Variants in PSD3 observed in about 807,000 individuals in gnomAD.
PSD3 encodes PH and SEC7 domain-containing protein 3.
Under a neutral mutation model 105.5 loss-of-function variants are expected in PSD3, and 49 were observed. The ratio of observed to expected loss-of-function variants is 0.46; its 90% confidence interval spans 0.37 to 0.59. The LOEUF (loss-of-function observed/expected upper bound fraction) is 0.59. PSD3 is among the 20% of genes least tolerant of loss of function. The probability of loss-of-function intolerance (pLI) is 0.00; values close to 1 mark genes in which losing one functional copy is unlikely to be tolerated. For missense variants in PSD3, 1,561 were observed against 1,263.8 expected, an observed-to-expected ratio of 1.24 and a Z score of -3.57; for synonymous variants, 557 against 457.8, an observed-to-expected ratio of 1.22 and a Z score of -2.77.
rs73579999 is a variant in PSD3 at position 18,586,201 on chromosome 8, G to A, written c.2482-10916C>T. Among the ~76,000 whole-genome samples the A allele has an allele frequency of 3.7e-3, 567 of 152,260 alleles. 6 individuals are homozygous for A. Among genetic ancestry groups the A allele is most frequent in the African/African-American group, 0.013 (551 of 41,550 alleles). ...CCTGTAGGAGTGGCCAAAAACCTTT[G>A]CAACAAGCCACTTTGGCTGGGATGG... On this transcript the variant is annotated intron_variant, in intron 12 of 15. Transcript: ENST00000327040.
At chr8:18,781,894 A>T (rs1808671903) in intron 8 of PSD3, among the ~76,000 whole-genome samples, 1 of 152,044 alleles carries the variant, frequency 6.6e-6, no homozygotes, top group Admixed American at 6.6e-5. Context: ...ATTTTTTTTA[A>T]AAATGTTATC....
intron 1 of PSD3, among the ~76,000 whole-genome samples, chr8:18,987,847 G>T (rs530679762): frequency 6.6e-6 from 1 of 152,076 alleles, no homozygotes; most frequent in South Asian, 2.1e-4. Flanking sequence ...TAATAAATCC[G>T]TTTTGCAAAA....
intron 4 of PSD3, among the ~76,000 whole-genome samples, chr8:18,860,845 T>C (rs566254494): frequency 2.4e-4 from 36 of 152,310 alleles, no homozygotes; most frequent in Non-Finnish European, 5.0e-4. Flanking sequence ...CACCATTCCA[T>C]TTTTATTTAG....
chr8:18,708,759 T>A (rs1802053606), intron 9 of PSD3, among the ~76,000 whole-genome samples: 2 of 151,610 alleles, frequency 1.3e-5, no homozygotes, highest in South Asian at 4.2e-4. Flanking sequence ...AGTGAGTGAA[T>A]CCTGCACCTT....
At chr8:18,625,661 C>T (rs550407047) in intron 11 of PSD3, among the ~76,000 whole-genome samples, 3 of 152,156 alleles carry the variant, frequency 2.0e-5, no homozygotes, top group African/African-American at 7.2e-5. Context: ...ATCGGAATTG[C>T]TTTTAACAAT....
At chr8:18,658,907 A>T (rs1262744842) in intron 9 of PSD3, among the ~76,000 whole-genome samples, 3 of 152,072 alleles carry the variant, frequency 2.0e-5, no homozygotes, top group African/African-American at 4.8e-5. Context: ...TTGTTTCTCC[A>T]CTACACAAGA....
intron 9 of PSD3, among the ~76,000 whole-genome samples, chr8:18,698,091 G>A (rs1235396258): frequency 1.3e-5 from 2 of 152,006 alleles, no homozygotes; most frequent in Non-Finnish European, 2.9e-5. Flanking sequence ...TGGGCACACA[G>A]GATGTATTTT....
In PSD3 at chr8:18,872,402, C is replaced by G; in HGVS notation, c.462G>C (p.Lys154Asn). ...RIISGTLQAT[K>N]VLDQDAVSSF... is the part of the protein sequence containing the mutation. Reference sequence around the variant, plus strand: ...TAGAAACAGCATCTTGGTCCAGTACCTTTGTAGCCTGTAATGTTCCGGAAA... The same window carrying G: ...TAGAAACAGCATCTTGGTCCAGTACGTTTGTAGCCTGTAATGTTCCGGAAA... The change falls in exon 3 of 16, where the codon AAG becomes AAC. Residue 154 changes from lysine to asparagine, a missense_variant. By Grantham distance (94) the Lys-to-Asn change is moderately conservative. Coordinates refer to ENST00000327040, the MANE Select transcript of PSD3 (RefSeq NM_015310.4). 6.2e-7 allele frequency: 1 copy of G among 1,614,184 alleles called. No individual in the cohort carries two copies. Among genetic ancestry groups the G allele is most frequent in the Non-Finnish European group, 8.5e-7 (1 of 1,180,034 alleles).
At chr8:18,583,392 T>C (rs1488803245) in intron 12 of PSD3, among the ~76,000 whole-genome samples, 4 of 152,090 alleles carry the variant, frequency 2.6e-5, no homozygotes, top group African/African-American at 4.8e-5. Context: ...GACACCGCCA[T>C]TGCACTCCAG....
intron 2 of PSD3, among the ~76,000 whole-genome samples, chr8:18,928,625 T>C (rs942573774): frequency 5.3e-5 from 8 of 152,126 alleles, no homozygotes; most frequent in African/African-American, 1.9e-4. Context: ...AAAAAGCAAA[T>C]TAGTGGTTGC....
intron 10 of PSD3, among the ~76,000 whole-genome samples, chr8:18,633,540 T>A (rs1807046291): frequency 6.6e-6 from 1 of 152,138 alleles, no homozygotes; most frequent in African/African-American, 2.4e-5. Context: ...ATTAATTCGC[T>A]TAGAATAATG....
chr8:18,708,197 T>C (rs1745808480), intron 9 of PSD3, among the ~76,000 whole-genome samples: 1 of 152,192 alleles, frequency 6.6e-6, no homozygotes, highest in Non-Finnish European at 1.5e-5. Context: ...CTTCCTTCTT[T>C]ACACATATGG....
At chr8:18,878,647 GATT>G (rs1412017458) in intron 2 of PSD3, among the ~76,000 whole-genome samples, 10 of 152,076 alleles carry the variant, frequency 6.6e-5, no homozygotes, top group Non-Finnish European at 1.3e-4. Flanking sequence ...ACATAAATCA[GATT>G]ATTTTCACAT....
chr8:18,728,712 A>C (rs1216408893), intron 9 of PSD3, among the ~76,000 whole-genome samples: 6 of 152,222 alleles, frequency 3.9e-5, no homozygotes, highest in Non-Finnish European at 8.8e-5. Context: ...ATGTGAAGTC[A>C]TGCATAAGTT....
At chr8:18,868,212 G>A (rs754447457) in intron 3 of PSD3, 143 bp from the exon 4 acceptor site, 25 of 998,462 alleles carry the variant, frequency 2.5e-5, no homozygotes, top group Non-Finnish European at 3.6e-5. Context: ...TGGGAAGGAA[G>A]CTATGAAATA....
chr8:18,833,534 G>C (rs1039988252), intron 4 of PSD3, among the ~76,000 whole-genome samples: 1 of 152,216 alleles, frequency 6.6e-6, no homozygotes, highest in Non-Finnish European at 1.5e-5. Flanking sequence ...ACTGATAAAT[G>C]AGTGAAATTT....
intron 1 of PSD3, among the ~76,000 whole-genome samples, chr8:19,024,577 C>A (rs896617756): frequency 1.3e-5 from 2 of 152,134 alleles, no homozygotes; most frequent in Admixed American, 6.6e-5. Context: ...TACGATGACA[C>A]CTGAGCTTAT....
chr8:18,847,886 G>A (rs1410604920), intron 4 of PSD3, among the ~76,000 whole-genome samples: 1 of 152,198 alleles, frequency 6.6e-6, no homozygotes, highest in African/African-American at 2.4e-5. Flanking sequence ...TGGCTAGTGA[G>A]AATCAGCAAG....
At chr8:18,903,190 C>T (rs1362057091) in intron 2 of PSD3, among the ~76,000 whole-genome samples, 2 of 152,160 alleles carry the variant, frequency 1.3e-5, no homozygotes, top group Non-Finnish European at 2.9e-5. Context: ...GTGAAGCACT[C>T]ACCCAACTCC....
Sources: gnomAD v4.1 joint callset for allele counts (sites outside exome capture counted in the v4.1 genomes callset) on GRCh38, gnomAD v4.1.1 for gene constraint, MANE v1.5 for transcripts, NCBI Gene and HGNC (gene_info 2026-07-23, HGNC 2026-07-21) for gene names.